Variants in FAS observed in about 807,000 individuals in gnomAD.
FAS encodes the protein tumor necrosis factor receptor superfamily member 6.
A neutral mutation model predicts 33.2 loss-of-function variants in FAS; 5 were observed. The ratio of observed to expected loss-of-function variants is 0.15; its 90% CI spans 0.08 to 0.32. The LOEUF (loss-of-function observed/expected upper bound fraction) is 0.32, where lower values mean the gene tolerates loss of function less well. Among genes scored for constraint, FAS ranks in the 10% least tolerant of loss-of-function variants. The pLI is 1.00. For synonymous variants in FAS, 131 were observed against 130.7 expected (o/e 1.00, Z -0.01); for missense variants, 339 against 386.0 (o/e 0.88, Z 1.02).
At position 88,998,952 on chromosome 10, in the gene FAS, G is replaced by C. The variant is rs139157442; in HGVS notation, c.31-4077G>C. Reference sequence around the variant, plus strand: ...AGGCGGATCACGGGGTCGAGAGATTGAGACCATCTGGCCAACATGGTGAAA... The same window carrying C: ...AGGCGGATCACGGGGTCGAGAGATTCAGACCATCTGGCCAACATGGTGAAA... On this transcript the variant is annotated intron_variant, in intron 1 of 8. Transcript: ENST00000652046. Among the ~76,000 whole-genome samples the C allele has an allele frequency of 1.8e-4, 27 of 152,004 alleles. No individual in the cohort carries two copies. In the East Asian group the frequency reaches 2.9e-3, roughly 16 times the overall value.
chr10:88,986,786 G>A (rs1194081380), upstream of FAS, among the ~76,000 whole-genome samples: 1 of 152,164 alleles, frequency 6.6e-6, no homozygotes, highest in Admixed American at 6.5e-5. Flanking sequence ...GAGGAAGGAA[G>A]TAGTACAGGA....
At chr10:88,991,172 A>C in intron 1 of FAS, 2 of 585,096 alleles carry the variant, frequency 3.4e-6, no homozygotes, top group Non-Finnish European at 3.0e-6. Context: ...CAGGCGGGGC[A>C]GCTCCGGCGC....
At chr10:88,977,276 C>T (rs910036359) in intron 2 of FAS, among the ~76,000 whole-genome samples, 1 of 151,490 alleles carries the variant, frequency 6.6e-6, no homozygotes, top group Admixed American at 6.6e-5. Flanking sequence ...AGGTTTTCTT[C>T]TAGGGTTTTT....
intron 1 of FAS, among the ~76,000 whole-genome samples, chr10:88,967,515 G>C (rs1027790214): frequency 1.3e-5 from 2 of 152,108 alleles, no homozygotes; most frequent in Non-Finnish European, 2.9e-5. Flanking sequence ...CTATTCCTCA[G>C]CACTAACCCA....
At chr10:88,982,634 G>T (rs1846738949), upstream of FAS, among the ~76,000 whole-genome samples, 2 of 152,114 alleles carry the variant, frequency 1.3e-5, no homozygotes, top group African/African-American at 2.4e-5. Context: ...AGAAATAAAA[G>T]CTCAGTGTCT....
At chr10:89,008,458 A>G (rs560810549) in intron 3 of FAS, among the ~76,000 whole-genome samples, 2 of 152,318 alleles carry the variant, frequency 1.3e-5, no homozygotes, top group South Asian at 4.1e-4. Context: ...GGGAGCTACT[A>G]AAAATGTTTC....
At chr10:88,978,322 C>T (rs1460955864) in intron 2 of FAS, among the ~76,000 whole-genome samples, 62 of 148,920 alleles carry the variant, frequency 4.2e-4, no homozygotes, top group African/African-American at 1.0e-3. Context: ...GTGGGTGCAG[C>T]GCACCAGCAT....
intron 1 of FAS, among the ~76,000 whole-genome samples, chr10:89,000,828 T>G (rs750833305): frequency 1.1e-4 from 17 of 152,122 alleles, no homozygotes; most frequent in Admixed American, 2.6e-4. Context: ...GGGAGCATCT[T>G]CTGAGGTCAG....
At chr10:88,977,360 C>A (rs972789319) in intron 2 of FAS, among the ~76,000 whole-genome samples, 11 of 150,952 alleles carry the variant, frequency 7.3e-5, no homozygotes, top group African/African-American at 2.7e-4. Flanking sequence ...AGGAAGGGAT[C>A]CAGTTTCAGC....
chr10:89,015,886 C>A lies in FAS; in HGVS notation c.*1436C>A. 2.9e-6 allele frequency: 1 copy of A among 348,634 alleles called. No individual in the cohort carries two copies. The allele number at this position is 348,634 out of a possible 1,614,324, so 21.6% of individuals were successfully genotyped here. A position where few individuals can be genotyped will look rare whatever the true frequency, so the allele number is the denominator to read the frequency against. ...AACTTGTCTTTAATGCTTCTTGGAT[C>A]CCTTAGAAGGTACTTCCTTTTTAAC... On this transcript the variant is annotated 3_prime_UTR_variant, in exon 9 of 9. Transcript: ENST00000652046.
intron 1 of FAS, among the ~76,000 whole-genome samples, chr10:88,972,154 G>A (rs1157446813): frequency 4.6e-5 from 7 of 152,016 alleles, no homozygotes; most frequent in Non-Finnish European, 7.4e-5. Flanking sequence ...TGATCCACCC[G>A]CCTCAGCCTC....
At chr10:88,974,673 A>G (rs1846523681) in intron 2 of FAS, 2 of 152,354 alleles carry the variant, frequency 1.3e-5, no homozygotes, top group East Asian at 1.9e-4. Context: ...ATTAAGTAAT[A>G]CAAACATTTC....
intron 2 of FAS, among the ~76,000 whole-genome samples, chr10:88,978,692 C>A (rs80214796): frequency 0.023 from 3,533 of 152,256 alleles, 65 homozygotes; most frequent in Middle Eastern, 0.082. Flanking sequence ...GCTCACCCTA[C>A]TTCAGGGAAC....
upstream of FAS, among the ~76,000 whole-genome samples, chr10:88,986,975 A>G (rs1327125890): frequency 1.3e-5 from 2 of 152,244 alleles, no homozygotes; most frequent in Non-Finnish European, 2.9e-5. Context: ...AGGAAATAAT[A>G]TGTTCTCCAG....
rs1462787215 is a variant in FAS at position 88,991,249 on chromosome 10, T to C, written c.30+343T>C. 2.3e-5 allele frequency: 11 copies of C among 481,014 alleles called. No individual in the cohort carries two copies. In the East Asian group the frequency reaches 3.3e-4, roughly 15 times the overall value. 29.8% of individuals were successfully genotyped at this position (481,014 alleles called of 1,614,324 possible). On this transcript the variant is annotated intron_variant, in intron 1 of 8. Coordinates refer to ENST00000652046, the MANE Select transcript of FAS (RefSeq NM_000043.6). Reference sequence around the variant, plus strand: ...GTGCGGACAGGAATTGAAGCGGAAGTCTGGGAAGCTTTAGGGTCGCTGGAG... The same window carrying C: ...GTGCGGACAGGAATTGAAGCGGAAGCCTGGGAAGCTTTAGGGTCGCTGGAG...
chr10:89,011,559 T>TG (rs1848529578), intron 6 of FAS, among the ~76,000 whole-genome samples: 1 of 152,246 alleles, frequency 6.6e-6, no homozygotes, highest in Non-Finnish European at 1.5e-5. Context: ...GATTCTTCTA[T>TG]CTCACATTGA....
At chr10:89,009,162 T>C (rs1001460250) in intron 4 of FAS, among the ~76,000 whole-genome samples, 165 bp downstream of exon 4, 2 of 152,226 alleles carry the variant, frequency 1.3e-5, no homozygotes, top group Non-Finnish European at 2.9e-5. Context: ...GTGAACTTCC[T>C]GTGTAGGTGA....
At chr10:88,991,035 G>C in intron 1 of FAS, 129 bp downstream of exon 1, 2 of 1,302,140 alleles carry the variant, frequency 1.5e-6, no homozygotes, top group Middle Eastern at 2.1e-4. Context: ...GGAGCGGCGG[G>C]CTGCTGCGGG....
intron 2 of FAS, chr10:88,973,360 T>A: frequency 6.8e-7 from 1 of 1,466,512 alleles, no homozygotes; most frequent in Non-Finnish European, 9.1e-7. Flanking sequence ...AATCCAAGAA[T>A]TGCCAGGCGA....
Sources: allele counts gnomAD v4.1 joint callset (sites outside exome capture counted in the v4.1 genomes callset), GRCh38; gene constraint gnomAD v4.1.1; transcripts MANE v1.5; gene names NCBI Gene and HGNC (gene_info 2026-07-23, HGNC 2026-07-21).